The following FSHR variants were observed in gnomAD, a reference collection of about 807,000 sequenced individuals.
FSHR encodes follicle stimulating hormone receptor.
Under a neutral mutation model 52.1 loss-of-function variants are expected in FSHR, and 46 were observed. The observed-to-expected ratio is 0.88, with a 90% CI of 0.70 to 1.13. The LOEUF (loss-of-function observed/expected upper bound fraction) is 1.13. FSHR is among the 50% of genes most tolerant of loss of function. The pLI, the probability that FSHR is intolerant of heterozygous loss-of-function variation, is 0.00. For missense variants in FSHR, 964 were observed against 834.6 expected (o/e 1.16, Z -1.91); for synonymous variants, 399 against 309.6 (o/e 1.29, Z -3.03).
At chr2:49,119,941 T>A (rs1671748859) in intron 1 of FSHR, among the ~76,000 whole-genome samples, 1 of 152,172 alleles carries the variant, frequency 6.6e-6, no homozygotes, top group South Asian at 2.1e-4. Context: ...CAAGTGGCAG[T>A]GGCAGGCACA....
At chr2:48,981,932 T>G (rs770129816) in intron 8 of FSHR, among the ~76,000 whole-genome samples, 1 of 152,238 alleles carries the variant, frequency 6.6e-6, no homozygotes, top group Non-Finnish European at 1.5e-5. Context: ...ATAAGGATCA[T>G]TCAGTAAAAC....
rs528718428 is a variant in FSHR, at chr2:49,040,284, T to G, written c.225-20124A>C. 8.9e-5 allele frequency among the ~76,000 whole-genome samples: 13 copies of G among 146,046 alleles called. No homozygotes were observed. In the East Asian group the frequency reaches 2.7e-3, roughly 30 times the overall value. On this transcript the variant is annotated intron_variant, in intron 2 of 9. Coordinates refer to ENST00000406846, the MANE Select transcript of FSHR (RefSeq NM_000145.4). The stretch of plus-strand genomic sequence containing the variant: ...AGATGGTTAGACCAGCATGGACTTC[T>G]GTCTTGTAGACTGTGTACCTCAGAC...
At position 49,150,289 on chromosome 2, in the gene FSHR, C is replaced by T. The variant is rs186792030; in HGVS notation, c.152+3977G>A. Among the ~76,000 whole-genome samples the T allele has an allele frequency of 3.0e-3, 458 of 152,056 alleles. 2 individuals carry two copies. The highest frequency in any genetic ancestry group is 4.0e-3 in the Non-Finnish European group (269 of 67,940). On this transcript the variant is annotated intron_variant, in intron 1 of 9. Transcript: ENST00000406846. ...CCATGGAGATTAAGTGCTAGATACC[C>T]TGGGAGGAGATTATTCTTAAACAAA...
intron 8 of FSHR, among the ~76,000 whole-genome samples, chr2:48,973,737 T>G (rs1674850939): frequency 6.6e-6 from 1 of 152,220 alleles, no homozygotes; most frequent in African/African-American, 2.4e-5. Context: ...TATTGCTTTG[T>G]TAGAAGATAT....
At position 49,087,070 on chromosome 2, in the gene FSHR, G is replaced by GATTTTT. The variant is rs60949511; in HGVS notation, c.153-18781_153-18780insAAAAAT. On this transcript the variant is annotated intron_variant, in intron 1 of 9. Coordinates refer to ENST00000406846, the MANE Select transcript of FSHR (RefSeq NM_000145.4). ...GTAGTTGAGGGACCCTGTGGGCAGG[G>GATTTTT]TTTTTTTTTTTTTTTTTTTTTTTTT... is the stretch of plus-strand genomic sequence containing the variant. Among the ~76,000 whole-genome samples the GATTTTT allele has an allele frequency of 9.8e-4, 85 of 86,726 alleles. 3 individuals carry two copies. Among genetic ancestry groups the GATTTTT allele is most frequent in the African/African-American group, 3.6e-3 (83 of 23,376 alleles). 56.9% of individuals were successfully genotyped at this position (86,726 alleles called of 152,430 possible). A position where few individuals can be genotyped will look rare whatever the true frequency, so the allele number is the denominator to read the frequency against.
At chr2:49,043,074 T>C (rs1407060020) in intron 2 of FSHR, among the ~76,000 whole-genome samples, 1 of 152,192 alleles carries the variant, frequency 6.6e-6, no homozygotes, top group Non-Finnish European at 1.5e-5. Context: ...TGACTTCCTC[T>C]AGGGGACATC....
At chr2:49,008,767 C>T (rs1263225968) in intron 4 of FSHR, among the ~76,000 whole-genome samples, 1 of 145,130 alleles carries the variant, frequency 6.9e-6, no homozygotes, top group Non-Finnish European at 1.5e-5. Context: ...TTGCATTTCT[C>T]TGATGGCCAG....
intron 4 of FSHR, among the ~76,000 whole-genome samples, chr2:49,003,720 A>G (rs573028601): frequency 1.5e-3 from 235 of 152,188 alleles, no homozygotes; most frequent in Non-Finnish European, 2.3e-3. Flanking sequence ...TAAAAGAAAA[A>G]ATGAATAATC....
At chr2:49,057,207 A>G (rs1344402874) in intron 2 of FSHR, among the ~76,000 whole-genome samples, 1 of 152,134 alleles carries the variant, frequency 6.6e-6, no homozygotes, top group Non-Finnish European at 1.5e-5. Flanking sequence ...ATAATAACAC[A>G]AGAGATCAAT....
chr2:48,972,302 C>G (rs778630708), intron 8 of FSHR, among the ~76,000 whole-genome samples: 11 of 152,204 alleles, frequency 7.2e-5, no homozygotes, highest in Admixed American at 1.3e-4. Context: ...TCACAACACT[C>G]ATTGCTATCA....
At chr2:49,121,317 AG>A (rs1205117722) in intron 1 of FSHR, among the ~76,000 whole-genome samples, 1 of 152,228 alleles carries the variant, frequency 6.6e-6, no homozygotes, top group African/African-American at 2.4e-5. Flanking sequence ...TGTTCTCTTC[AG>A]TACAAAATAA....
At chr2:49,087,835 A>C (rs941174268) in intron 1 of FSHR, among the ~76,000 whole-genome samples, 4 of 152,204 alleles carry the variant, frequency 2.6e-5, no homozygotes, top group Admixed American at 2.6e-4. Flanking sequence ...CTTAGGAAAA[A>C]AACAGTGATA....
chr2:49,136,744 C>A (rs572855568), intron 1 of FSHR, among the ~76,000 whole-genome samples: 2 of 151,950 alleles, frequency 1.3e-5, no homozygotes, highest in Admixed American at 6.5e-5. Context: ...TATATTACAT[C>A]AATATAAATA....
In FSHR at chr2:49,035,858, A is replaced by T. The variant is rs562989256; in HGVS notation, c.225-15698T>A. Among the ~76,000 whole-genome samples, 5 of 152,340 alleles carry T rather than the reference A, an allele frequency of 3.3e-5. No homozygotes were observed. The East Asian group carries it at 5.8e-4, about 18-fold the overall frequency. On this transcript the variant is annotated intron_variant, in intron 2 of 9. Transcript: ENST00000406846. ...TCAAGCACTCTGAGAAGCCAGTAGG[A>T]GGAGAAATCTTTGAGCAAGTAGAGC...
At chr2:49,107,394 T>C (rs759992669) in intron 1 of FSHR, among the ~76,000 whole-genome samples, 3 of 152,146 alleles carry the variant, frequency 2.0e-5, no homozygotes, top group African/African-American at 7.2e-5. Flanking sequence ...ACCTATCTTA[T>C]AGCACTTATC....
chr2:49,074,863 G>T (rs1669888622), intron 1 of FSHR, among the ~76,000 whole-genome samples: 1 of 152,036 alleles, frequency 6.6e-6, no homozygotes, highest in South Asian at 2.1e-4. Context: ...CTTAGCCAAA[G>T]AATAAAATCC....
intron 2 of FSHR, among the ~76,000 whole-genome samples, chr2:49,058,675 A>G (rs939754871): frequency 2.0e-5 from 3 of 152,170 alleles, no homozygotes; most frequent in Non-Finnish European, 4.4e-5. Flanking sequence ...ACCTGAAAAA[A>G]AAATAAAGAA....
intron 1 of FSHR, among the ~76,000 whole-genome samples, chr2:49,072,706 G>T (rs1435520532): frequency 2.6e-5 from 4 of 152,078 alleles, no homozygotes; most frequent in African/African-American, 9.7e-5. Context: ...CAATTATAAG[G>T]TTAAGTTTCT....
At chr2:49,065,873 C>G (rs1211743320) in intron 2 of FSHR, among the ~76,000 whole-genome samples, 1 of 151,970 alleles carries the variant, frequency 6.6e-6, no homozygotes, top group Non-Finnish European at 1.5e-5. Flanking sequence ...AATAGGGAGG[C>G]AGGAGAGTGT....
Sources: gnomAD v4.1 joint callset for allele counts (sites outside exome capture counted in the v4.1 genomes callset) on GRCh38, gnomAD v4.1.1 for gene constraint, MANE v1.5 for transcripts, NCBI Gene and HGNC (gene_info 2026-07-23, HGNC 2026-07-21) for gene names.